Variants in APCDD1L observed in about 807,000 individuals in gnomAD.
The protein encoded by APCDD1L is protein APCDD1-like.
In APCDD1L, 21 loss-of-function variants were observed where a neutral mutation model predicts 24.2. The ratio of observed to expected loss-of-function variants is 0.87; its 90% CI spans 0.61 to 1.25. The LOEUF is 1.25. Among genes scored for constraint, APCDD1L ranks in the 50% most tolerant of loss-of-function variants. The pLI, the probability that APCDD1L is intolerant of heterozygous loss-of-function variation, is 0.00. For missense variants in APCDD1L, 704 were observed against 711.7 expected, an observed-to-expected ratio of 0.99 and a Z score of 0.12; for synonymous variants, 321 against 323.6, an observed-to-expected ratio of 0.99 and a Z score of 0.09.
chr20:58,493,063 A>T (rs1161923316), intron 1 of APCDD1L, among the ~76,000 whole-genome samples: 1 of 152,036 alleles, frequency 6.6e-6, no homozygotes, highest in Non-Finnish European at 1.5e-5. Context: ...GCACTCACAC[A>T]CAATGCAAGC....
chr20:58,472,328 A>G (rs967649323), intron 1 of APCDD1L, among the ~76,000 whole-genome samples: 1 of 152,220 alleles, frequency 6.6e-6, no homozygotes, highest in Non-Finnish European at 1.5e-5. Flanking sequence ...AGTCGGTGTT[A>G]GCATCATCTT....
intron 1 of APCDD1L, chr20:58,513,977 T>C: frequency 2.3e-6 from 3 of 1,285,554 alleles, no homozygotes. Flanking sequence ...TTGTCAGTGG[T>C]GACTGGGCCC....
At chr20:58,472,618 G>T (rs953547621) in intron 1 of APCDD1L, among the ~76,000 whole-genome samples, 1 of 152,198 alleles carries the variant, frequency 6.6e-6, no homozygotes, top group Non-Finnish European at 1.5e-5. Context: ...TGTAATCTTG[G>T]TTCATCCTGC....
Position 58,461,184 on chromosome 20 carries a change from A to G in APCDD1L, c.1112T>C (p.Leu371Pro). The G allele has an allele frequency of 3.1e-6, 5 of 1,613,304 alleles. No individual in the cohort carries two copies. The highest frequency in any genetic ancestry group is 4.2e-6 in the Non-Finnish European group (5 of 1,179,662). The change falls in exon 4 of 4, where the codon CTC (leucine) becomes CCC (proline). Residue 371 changes from leucine (L) to proline (P), a missense_variant. Physicochemically the swap from Leu to Pro is moderately conservative, Grantham distance 98. Coordinates refer to ENST00000371149, the MANE Select transcript of APCDD1L (RefSeq NM_153360.3). This position sits in a 1 kb window ranked among gnomAD's most constrained non-coding sequence, Gnocchi z 6.0. ...ACAGCTGCTTGGCTCAGAGAAGTTG[A>G]GCATGGCCGTGGTGACCTGGTCCAT... ...TPMDQVTTAMLNFSEPSSCGG... is the reference protein window; with the variant it reads ...TPMDQVTTAMPNFSEPSSCGG...
intron 1 of APCDD1L, among the ~76,000 whole-genome samples, chr20:58,503,637 G>A (rs1394608041): frequency 6.6e-6 from 1 of 152,134 alleles, no homozygotes. Flanking sequence ...TGAGGCTTGG[G>A]GAAGGCAGCT....
intron 1 of APCDD1L, chr20:58,513,763 G>T: frequency 1.6e-6 from 1 of 610,840 alleles, no homozygotes; most frequent in Non-Finnish European, 2.8e-6. Flanking sequence ...GATTTTGTGA[G>T]CCCATTTGAC....
At position 58,508,993 on chromosome 20, in the gene APCDD1L, CGTGTGTGT is replaced by C. The variant is rs149764499; in HGVS notation, c.49+5658_49+5665del. Among the ~76,000 whole-genome samples, 15 of 149,326 alleles carry C rather than the reference CGTGTGTGT, an allele frequency of 1.0e-4. No individual in the cohort carries two copies. The highest frequency in any genetic ancestry group is 2.0e-4 in the African/African-American group (8 of 40,668). On this transcript the variant is annotated intron_variant, in intron 1 of 3. Coordinates refer to ENST00000371149, the MANE Select transcript of APCDD1L (RefSeq NM_153360.3). This position sits in a 1 kb window ranked among gnomAD's most constrained non-coding sequence, Gnocchi z 4.0. ...GCGCACGTGTGTGTGCATGTGCATGCGTGTGTGTGTGTGTGTGTGTGTGTGGAGTCAAC... is the reference window on the plus strand; with the variant it reads ...GCGCACGTGTGTGTGCATGTGCATGCGTGTGTGTGTGTGTGTGGAGTCAAC...
intron 1 of APCDD1L, among the ~76,000 whole-genome samples, chr20:58,486,902 C>T (rs951220541): frequency 2.6e-5 from 3 of 113,354 alleles, no homozygotes; most frequent in African/African-American, 1.0e-4. Flanking sequence ...TGCTCTGTCA[C>T]CCAGGCTGGA....
chr20:58,489,624 C>T (rs778648329), intron 1 of APCDD1L, among the ~76,000 whole-genome samples: 6 of 150,154 alleles, frequency 4.0e-5, no homozygotes, highest in Non-Finnish European at 8.9e-5. Flanking sequence ...GCAGAGGTTG[C>T]AGTCAGCCGA....
intron 1 of APCDD1L, among the ~76,000 whole-genome samples, chr20:58,499,182 C>T (rs909833531): frequency 6.6e-6 from 1 of 152,196 alleles, no homozygotes; most frequent in African/African-American, 2.4e-5. Flanking sequence ...TCCAGCTGAG[C>T]TCACAGCAGG....
At chr20:58,498,417 T>C (rs865821532) in intron 1 of APCDD1L, among the ~76,000 whole-genome samples, 1 of 152,186 alleles carries the variant, frequency 6.6e-6, no homozygotes, top group Non-Finnish European at 1.5e-5. Context: ...GTTTCAGATA[T>C]TGCATTTCCT....
At chr20:58,479,654 A>C (rs1228401343) in intron 1 of APCDD1L, among the ~76,000 whole-genome samples, 1 of 145,772 alleles carries the variant, frequency 6.9e-6, no homozygotes, top group Admixed American at 7.0e-5. Context: ...CAAAACCGTC[A>C]GCTTGAGGTA....
At chr20:58,492,044 C>G (rs1340996942) in intron 1 of APCDD1L, among the ~76,000 whole-genome samples, 1 of 152,154 alleles carries the variant, frequency 6.6e-6, no homozygotes, top group Admixed American at 6.5e-5. Flanking sequence ...TTCATACCCC[C>G]AAATCAACTT....
chr20:58,487,942 A>C (rs1400012825), intron 1 of APCDD1L, among the ~76,000 whole-genome samples: 1 of 152,122 alleles, frequency 6.6e-6, no homozygotes, highest in Non-Finnish European at 1.5e-5. Context: ...AATTCCTTTC[A>C]TATATATGTG....
intron 3 of APCDD1L, among the ~76,000 whole-genome samples, chr20:58,462,402 C>G (rs1057137774): frequency 6.6e-6 from 1 of 152,142 alleles, no homozygotes. Flanking sequence ...TGAGCTCCCC[C>G]TCTCATGTGC....
chr20:58,490,055 G>A (rs1427358803), intron 1 of APCDD1L, among the ~76,000 whole-genome samples: 1 of 152,036 alleles, frequency 6.6e-6, no homozygotes, highest in Non-Finnish European at 1.5e-5. Context: ...TTTAGATTGG[G>A]TTGGCTTTGC....
At chr20:58,507,946 T>C (rs920772434) in intron 1 of APCDD1L, among the ~76,000 whole-genome samples, 1 of 152,208 alleles carries the variant, frequency 6.6e-6, no homozygotes, top group Non-Finnish European at 1.5e-5. Flanking sequence ...CCACCAAGCA[T>C]TGCCACTGGC....
intron 1 of APCDD1L, among the ~76,000 whole-genome samples, chr20:58,476,354 C>T (rs1304945193): frequency 1.3e-5 from 2 of 152,298 alleles, no homozygotes; most frequent in Non-Finnish European, 2.9e-5. Flanking sequence ...CCATGCCCTG[C>T]TAATTTTTGT....
At position 58,497,465 on chromosome 20, in the gene APCDD1L, C is replaced by A. The variant is rs1205059587; in HGVS notation, c.49+17194G>T. ...AGGCCATGAGTCTGGGCTCATGAGT[C>A]TGGGCTCAAGGTGCGAGCTGGGTTG... On this transcript the variant is annotated intron_variant, in intron 1 of 3. Transcript: ENST00000371149. This position sits in a 1 kb window ranked among gnomAD's most constrained non-coding sequence, Gnocchi z 4.3. Among the ~76,000 whole-genome samples, 1 of 152,132 alleles carries A rather than the reference C, an allele frequency of 6.6e-6. No homozygotes were observed. Among genetic ancestry groups the A allele is most frequent in the Non-Finnish European group, 1.5e-5 (1 of 68,012 alleles).
Sources: gnomAD v4.1 joint callset for allele counts (sites outside exome capture counted in the v4.1 genomes callset) on GRCh38, gnomAD v4.1.1 for gene constraint, Gnocchi (gnomAD v3.1) non-coding constraint, MANE v1.5 for transcripts, NCBI Gene and HGNC (gene_info 2026-07-23, HGNC 2026-07-21) for gene names.